Variants in P4HA2 observed in about 807,000 individuals in gnomAD.
P4HA2 encodes the protein prolyl 4-hydroxylase subunit alpha 2.
In P4HA2, 46 loss-of-function variants were observed where a neutral mutation model predicts 76.9. The observed-to-expected ratio is 0.60, with a 90% confidence interval of 0.47 to 0.76. The LOEUF (loss-of-function observed/expected upper bound fraction) is 0.76. P4HA2 is among the 30% of genes least tolerant of loss of function. P4HA2 has a pLI of 0.00. For synonymous variants in P4HA2, 243 were observed against 254.0 expected (o/e 0.96, Z 0.41); for missense variants, 583 against 669.4 (o/e 0.87, Z 1.42).
chr5:132,198,197 C>T, intron 12 of P4HA2, 124 bp downstream of exon 12: 1 of 1,614,158 alleles, frequency 6.2e-7, no homozygotes, highest in African/African-American at 1.3e-5. Context: ...CAGCACACAT[C>T]ATACTCACGT....
chr5:132,217,082 T>A, intron 4 of P4HA2, 115 bp downstream of exon 4: 1 of 945,490 alleles, frequency 1.1e-6, no homozygotes, highest in Non-Finnish European at 1.6e-6. Context: ...GGGTCCTGTT[T>A]CCACAATGTA....
intron 1 of P4HA2, among the ~76,000 whole-genome samples, chr5:132,222,995 T>C (rs560177456): frequency 2.8e-4 from 42 of 152,234 alleles, no homozygotes; most frequent in Non-Finnish European, 5.3e-4. Context: ...ACCACTATAT[T>C]GGATGCATCT....
Position 132,198,934 on chromosome 5 carries a change from T to C in P4HA2, c.1252-2A>G. 1 of 1,606,458 alleles carries C rather than the reference T, an allele frequency of 6.2e-7. No homozygotes were observed. Among genetic ancestry groups the C allele is most frequent in the Non-Finnish European group, 8.5e-7 (1 of 1,173,008 alleles). On this transcript the variant is annotated splice_acceptor_variant, in intron 10 of 14. Coordinates refer to ENST00000360568, the MANE Select transcript of P4HA2 (RefSeq NM_001017974.2). LOFTEE classifies it high-confidence loss of function. ...TCCTCCCACTCCATAATTTGCAACCTGTGGGAAATAACAGCATTAGACCTT... is the reference window on the plus strand; with the variant it reads ...TCCTCCCACTCCATAATTTGCAACCCGTGGGAAATAACAGCATTAGACCTT...
intron 5 of P4HA2, among the ~76,000 whole-genome samples, chr5:132,211,879 C>T (rs1753138440): frequency 6.6e-6 from 1 of 152,162 alleles, no homozygotes; most frequent in Non-Finnish European, 1.5e-5. Flanking sequence ...GGCAAGAATT[C>T]AATAAGATGA....
Position 132,190,898 on chromosome 5 carries a change from A to C in P4HA2, c.*2112T>G, listed in dbSNP as rs543389073. Reference sequence around the variant, plus strand: ...AACTAATAAACATGAAAAGTTGTTCAACATTATCAGTAATGTTCAAATAGA... The same window carrying C: ...AACTAATAAACATGAAAAGTTGTTCCACATTATCAGTAATGTTCAAATAGA... On this transcript the variant is annotated 3_prime_UTR_variant, in exon 15 of 15. Coordinates refer to ENST00000360568, the MANE Select transcript of P4HA2 (RefSeq NM_001017974.2). Among the ~76,000 whole-genome samples the C allele has an allele frequency of 6.6e-6, 1 of 152,368 alleles. No homozygotes were observed. The highest frequency in any genetic ancestry group is 2.1e-4 in the South Asian group (1 of 4,828).
rs1412165411 is a variant in P4HA2, at chr5:132,218,629, T to C, written c.-3A>G. The C allele has an allele frequency of 6.2e-7, 1 of 1,611,788 alleles. No homozygotes were observed. Among genetic ancestry groups the C allele is most frequent in the Non-Finnish European group, 8.5e-7 (1 of 1,177,942 alleles). On this transcript the variant is annotated 5_prime_UTR_variant, in exon 2 of 15. Coordinates refer to ENST00000360568, the MANE Select transcript of P4HA2 (RefSeq NM_001017974.2). ...AATGCAGACACCCAGAGTTTCATGGTCACAGAGGGAAGTGTCTGAAAGGCA... is the reference window on the plus strand; with the variant it reads ...AATGCAGACACCCAGAGTTTCATGGCCACAGAGGGAAGTGTCTGAAAGGCA...
chr5:132,208,433 GAGA>G (rs1752557863), intron 7 of P4HA2, among the ~76,000 whole-genome samples: 1 of 32,636 alleles, frequency 3.1e-5, no homozygotes, highest in Non-Finnish European at 5.9e-5. Flanking sequence ...GGGAGGGGAG[GAGA>G]GGGGGGAATG....
chr5:132,198,192 C>T (rs772746949), intron 12 of P4HA2, 129 bp downstream of exon 12: 1 of 1,614,086 alleles, frequency 6.2e-7, no homozygotes, highest in South Asian at 1.1e-5. Context: ...CTCATCAGCA[C>T]ACATCATACT....
chr5:132,211,175 G>A (rs3828675), intron 5 of P4HA2, among the ~76,000 whole-genome samples: 52,291 of 152,154 alleles, frequency 0.34, 10,040 homozygotes, highest in Non-Finnish European at 0.45. Context: ...ACCTTGCTGA[G>A]TATCAGTTCA....
chr5:132,195,558 G>A, intron 12 of P4HA2, 78 bp from the exon 13 acceptor site: 1 of 1,073,340 alleles, frequency 9.3e-7, no homozygotes, highest in Admixed American at 1.7e-5. Context: ...ACATGACAAG[G>A]TATATAGATT....
At position 132,206,089 on chromosome 5, in the gene P4HA2, T is replaced by C. The variant is rs2126570827; in HGVS notation, c.1080+1619A>G. ...AGCCAAACATGTTTGCCAACCTTGT[T>C]TGGCTCTTTGCATGGCTTCTATTCA... On this transcript the variant is annotated intron_variant, in intron 8 of 14. Coordinates refer to ENST00000360568, the MANE Select transcript of P4HA2 (RefSeq NM_001017974.2). 2.6e-5 allele frequency among the ~76,000 whole-genome samples: 4 copies of C among 152,236 alleles called. No individual in the cohort carries two copies. The South Asian group carries it at 8.3e-4, about 32-fold the overall frequency.
intron 8 of P4HA2, among the ~76,000 whole-genome samples, chr5:132,206,197 A>G (rs1752192177): frequency 6.6e-6 from 1 of 152,186 alleles, no homozygotes; most frequent in Non-Finnish European, 1.5e-5. Flanking sequence ...AAATGTTCTC[A>G]GTGTCTGGAA....
At chr5:132,206,496 C>T (rs1244933955) in intron 8 of P4HA2, among the ~76,000 whole-genome samples, 1 of 152,176 alleles carries the variant, frequency 6.6e-6, no homozygotes, top group East Asian at 1.9e-4. Context: ...CACCTCGGCC[C>T]CTACAATTCT....
At chr5:132,195,067 G>GTT in intron 13 of P4HA2, 45 bp from the exon 14 acceptor site, 5 of 1,300,182 alleles carry the variant, frequency 3.8e-6, no homozygotes, top group Non-Finnish European at 5.6e-6. Flanking sequence ...AAGAGACTGT[G>GTT]CTCAGGGACC....
In P4HA2 at chr5:132,210,411, C is replaced by A. The variant is rs1306638485; in HGVS notation, c.582G>T (p.Lys194Asn). ...TGGCCTCCTCCCCGGCATCAAGCTGCTTTAGCACCTGCTCCATCCACAACA... is the reference window on the plus strand; with the variant it reads ...TGGCCTCCTCCCCGGCATCAAGCTGATTTAGCACCTGCTCCATCCACAACA... ...HTVLWMEQVL[K>N]QLDAGEEATT... The change falls in exon 6 of 15, where the codon AAG becomes AAT. Residue 194 changes from lysine to asparagine, a missense_variant. Lys to Asn is a moderately conservative substitution (Grantham distance 94). Coordinates refer to ENST00000360568, the MANE Select transcript of P4HA2 (RefSeq NM_001017974.2). 3 of 1,614,162 alleles carry A rather than the reference C, an allele frequency of 1.9e-6. No homozygotes were observed. Among genetic ancestry groups the A allele is most frequent in the Non-Finnish European group, 2.5e-6 (3 of 1,180,024 alleles).
At position 132,207,880 on chromosome 5, in the gene P4HA2, GGT is replaced by G; in HGVS notation, c.906_907del (p.Arg304Ter). 1 of 1,570,052 alleles carries G rather than the reference GGT, an allele frequency of 6.4e-7. No homozygotes were observed. Among genetic ancestry groups the G allele is most frequent in the South Asian group, 1.2e-5 (1 of 82,164 alleles). ...ACAGAAAAGCCTCTTCTGTCTACGG[GGT>G]GTCTGGAAAGCACAGAGTAACAGGC... is the stretch of plus-strand genomic sequence containing the variant. On this transcript the variant is annotated frameshift_variant and splice_region_variant, in exon 8 of 15. Coordinates refer to ENST00000360568, the MANE Select transcript of P4HA2 (RefSeq NM_001017974.2). LOFTEE classifies it high-confidence loss of function.
chr5:132,207,336 T>A (rs1385052242), intron 8 of P4HA2, among the ~76,000 whole-genome samples: 1 of 152,142 alleles, frequency 6.6e-6, no homozygotes, highest in Non-Finnish European at 1.5e-5. Context: ...TTCACCTCAT[T>A]TACAGTCCTA....
At chr5:132,198,961 T>A in intron 10 of P4HA2, 29 bp from the exon 11 acceptor site, 9 of 1,528,202 alleles carry the variant, frequency 5.9e-6, no homozygotes, top group African/African-American at 2.7e-5. Flanking sequence ...TTAGACCTTG[T>A]AAGCAGCATG....
intron 1 of P4HA2, among the ~76,000 whole-genome samples, chr5:132,225,236 A>G (rs1355376460): frequency 6.6e-6 from 1 of 151,976 alleles, no homozygotes; most frequent in Non-Finnish European, 1.5e-5. Context: ...TCACTCCAGC[A>G]CTCTGCTGGG....
Sources: gnomAD v4.1 joint callset for allele counts (sites outside exome capture counted in the v4.1 genomes callset) on GRCh38, gnomAD v4.1.1 for gene constraint, MANE v1.5 for transcripts, NCBI Gene and HGNC (gene_info 2026-07-23, HGNC 2026-07-21) for gene names.